DENND6A: variants seen among roughly 807,000 people sequenced by gnomAD.
DENND6A encodes the protein protein DENND6A.
Under a neutral mutation model 95.5 loss-of-function variants are expected in DENND6A, and 43 were observed. The observed-to-expected ratio is 0.45, with a 90% CI of 0.35 to 0.58. DENND6A has a LOEUF of 0.58. Ranked by LOEUF, DENND6A falls within the 20% of genes least tolerant of loss-of-function variation. The pLI, the probability that DENND6A is intolerant of heterozygous loss-of-function variation, is 0.00. For missense variants in DENND6A, 574 were observed against 736.0 expected (o/e 0.78, Z 2.55); for synonymous variants, 257 against 260.4 (o/e 0.99, Z 0.13).
rs767553385 is a variant in DENND6A, at chr3:57,657,746, G to T, written c.763-11C>A. 5 of 1,554,514 alleles carry T rather than the reference G, an allele frequency of 3.2e-6. No homozygotes were observed. In the African/African-American group the frequency reaches 6.9e-5, roughly 22 times the overall value. Reference sequence around the variant, plus strand: ...TATATTTGTGTCCACCTGAGAGATAGAAAAGAAAAATAAAAGAAGGTATCA... The same window carrying T: ...TATATTTGTGTCCACCTGAGAGATATAAAAGAAAAATAAAAGAAGGTATCA... On this transcript the variant is annotated splice_polypyrimidine_tract_variant and intron_variant, in intron 8 of 19. Transcript: ENST00000311128.
In DENND6A at chr3:57,652,054, T is replaced by A. The variant is rs201248215; in HGVS notation, c.819-5616A>T. ...CTCTACAAAAATAATAAAATAAAAA[T>A]AAAAATAAATAAATAAATAACATCT... On this transcript the variant is annotated intron_variant, in intron 9 of 19. Transcript: ENST00000311128. Among the ~76,000 whole-genome samples, 152 of 152,010 alleles carry A rather than the reference T, an allele frequency of 1.0e-3. 2 individuals are homozygous for A. The highest frequency in any genetic ancestry group is 7.5e-3 in the East Asian group (39 of 5,180).
rs2153411413 is a variant in DENND6A, at chr3:57,626,988, A to T, written c.*1226T>A. ...CAGAAATCAATCTTATCATCACTCA[A>T]ATAAGTATCACATAAAAAACTCATG... On this transcript the variant is annotated 3_prime_UTR_variant, in exon 20 of 20. Coordinates refer to ENST00000311128, the MANE Select transcript of DENND6A (RefSeq NM_152678.3). 1 of 152,304 alleles carries T rather than the reference A, an allele frequency of 6.6e-6. No individual in the cohort carries two copies. The highest frequency in any genetic ancestry group is 1.9e-4 in the East Asian group (1 of 5,186). 9.4% of individuals were successfully genotyped at this position (152,304 alleles called of 1,614,324 possible).
At chr3:57,642,842 C>A (rs1158772517) in intron 11 of DENND6A, among the ~76,000 whole-genome samples, 1 of 151,996 alleles carries the variant, frequency 6.6e-6, no homozygotes, top group African/African-American at 2.4e-5. Context: ...CCCATCTCTA[C>A]TAAAAATACA....
At chr3:57,673,993 A>G (rs1245020698) in intron 1 of DENND6A, among the ~76,000 whole-genome samples, 1 of 152,068 alleles carries the variant, frequency 6.6e-6, no homozygotes, top group Non-Finnish European at 1.5e-5. Context: ...TGGTCTCGAA[A>G]TCCTGACCTC....
rs142802317 is a variant in DENND6A at position 57,681,921 on chromosome 3, G to A, written c.238-9483C>T. Among the ~76,000 whole-genome samples, 64 of 152,210 alleles carry A rather than the reference G, an allele frequency of 4.2e-4. 2 individuals carry two copies. In the East Asian group the frequency reaches 0.012, roughly 28 times the overall value. The stretch of plus-strand genomic sequence containing the variant: ...CTGCAATTAGATAGAGGTGTTAGTT[G>A]CACATCCTGTGAAAACCTCAAAACC... On this transcript the variant is annotated intron_variant, in intron 1 of 19. Coordinates refer to ENST00000311128, the MANE Select transcript of DENND6A (RefSeq NM_152678.3).
chr3:57,682,506 G>A (rs559843853), intron 1 of DENND6A, among the ~76,000 whole-genome samples: 1 of 152,120 alleles, frequency 6.6e-6, no homozygotes, highest in African/African-American at 2.4e-5. Flanking sequence ...GGGGAAATAA[G>A]TGATTTCTAT....
At chr3:57,668,676 C>T (rs1455175417) in intron 3 of DENND6A, among the ~76,000 whole-genome samples, 6 of 152,078 alleles carry the variant, frequency 3.9e-5, no homozygotes, top group African/African-American at 1.2e-4. Context: ...GAAGGGCAAA[C>T]GATTCCAATC....
Position 57,659,200 on chromosome 3 carries a change from T to A in DENND6A, c.700-20A>T, listed in dbSNP as rs754437330. ...CCGTACCTAAAAGAAAGACAGGAAA[T>A]TATTTTTGGTTATAAAAGAATGGAG... is the stretch of plus-strand genomic sequence containing the variant. On this transcript the variant is annotated intron_variant, in intron 7 of 19. Coordinates refer to ENST00000311128, the MANE Select transcript of DENND6A (RefSeq NM_152678.3). 8.7e-6 allele frequency: 14 copies of A among 1,612,956 alleles called. No homozygotes were observed. The highest frequency in any genetic ancestry group is 1.2e-5 in the Non-Finnish European group (14 of 1,179,126).
chr3:57,642,174 C>T (rs1455779048), intron 11 of DENND6A, among the ~76,000 whole-genome samples: 12 of 151,742 alleles, frequency 7.9e-5, no homozygotes, highest in African/African-American at 1.7e-4. Context: ...ATTAGCTGGG[C>T]GTACTGGTGG....
At chr3:57,633,873 A>G (rs890590891) in intron 14 of DENND6A, among the ~76,000 whole-genome samples, 1 of 152,026 alleles carries the variant, frequency 6.6e-6, no homozygotes, top group African/African-American at 2.4e-5. Context: ...CCTGGGCAAC[A>G]AGAGCGAAAC....
intron 9 of DENND6A, among the ~76,000 whole-genome samples, chr3:57,656,983 C>CA (rs1306271711): frequency 1.3e-5 from 2 of 151,874 alleles, no homozygotes; most frequent in Non-Finnish European, 1.5e-5. Context: ...AAGATCCCAC[C>CA]AAAAAAATCC....
At chr3:57,651,490 G>A (rs1264260339) in intron 9 of DENND6A, among the ~76,000 whole-genome samples, 2 of 152,292 alleles carry the variant, frequency 1.3e-5, no homozygotes, top group East Asian at 1.9e-4. Flanking sequence ...AAGTAAATTA[G>A]TAATGGCAAG....
intron 19 of DENND6A, 104 bp from the exon 20 acceptor site, chr3:57,628,449 T>C: frequency 7.0e-7 from 1 of 1,425,512 alleles, no homozygotes; most frequent in South Asian, 1.6e-5. Context: ...ATTAGATACT[T>C]TCAGTCTTAG....
chr3:57,667,614 GC>G (rs1280607828), intron 3 of DENND6A, among the ~76,000 whole-genome samples: 1 of 152,174 alleles, frequency 6.6e-6, no homozygotes, highest in Non-Finnish European at 1.5e-5. Flanking sequence ...AAGCTAGGTT[GC>G]TGAGAAACAG....
rs925079360 is a variant in DENND6A, at chr3:57,627,578, A to G, written c.*636T>C. On this transcript the variant is annotated 3_prime_UTR_variant, in exon 20 of 20. Transcript: ENST00000311128. ...GGAAAATAATGAAAATCTATATGAC[A>G]ACTGAAAAAAACCCATCATGTCTAT... 8 of 152,296 alleles carry G rather than the reference A, an allele frequency of 5.3e-5. No homozygotes were observed. The highest frequency in any genetic ancestry group is 1.9e-4 in the African/African-American group (8 of 41,470). The allele number at this position is 152,296 out of a possible 1,614,324, so 9.4% of individuals were successfully genotyped here.
chr3:57,634,865 GTA>G, intron 12 of DENND6A, 96 bp from the exon 13 acceptor site: 1 of 1,004,666 alleles, frequency 1.0e-6, no homozygotes, highest in Non-Finnish European at 1.4e-6. Flanking sequence ...TATTACTTAA[GTA>G]TGTTATAATG....
At chr3:57,637,480 C>G (rs1264751872) in intron 12 of DENND6A, among the ~76,000 whole-genome samples, 2 of 152,136 alleles carry the variant, frequency 1.3e-5, no homozygotes, top group African/African-American at 4.8e-5. Flanking sequence ...TGTGCCTTCC[C>G]TCTTGGTTCT....
chr3:57,646,498 C>A, intron 9 of DENND6A, 60 bp from the exon 10 acceptor site: 1 of 1,525,938 alleles, frequency 6.6e-7, no homozygotes, highest in South Asian at 1.3e-5. Context: ...TTTTAAAATT[C>A]CTACATAATC....
chr3:57,632,798 T>C (rs779392921), intron 15 of DENND6A, among the ~76,000 whole-genome samples: 2 of 152,194 alleles, frequency 1.3e-5, no homozygotes, highest in Non-Finnish European at 2.9e-5. Flanking sequence ...TGCTACCATA[T>C]GCCAGTCTGA....
Sources: gnomAD v4.1 joint callset for allele counts (sites outside exome capture counted in the v4.1 genomes callset) on GRCh38, gnomAD v4.1.1 for gene constraint, MANE v1.5 for transcripts, NCBI Gene and HGNC (gene_info 2026-07-23, HGNC 2026-07-21) for gene names.